CPQ: variants seen among roughly 807,000 people sequenced by gnomAD.
The protein encoded by CPQ is carboxypeptidase Q, also known as Ser-Met dipeptidase.
A neutral mutation model predicts 45.7 loss-of-function variants in CPQ; 37 were observed. The observed-to-expected ratio is 0.81, with a 90% CI of 0.62 to 1.07. The LOEUF (loss-of-function observed/expected upper bound fraction) is 1.07. Among genes scored for constraint, CPQ ranks in the 50% least tolerant of loss-of-function variants. The pLI is 0.00. For synonymous variants in CPQ, 186 were observed against 205.8 expected, an observed-to-expected ratio of 0.90 and a Z score of 0.82; for missense variants, 537 against 572.9, an observed-to-expected ratio of 0.94 and a Z score of 0.64.
chr8:96,980,696 A>T (rs1417634528), intron 5 of CPQ, among the ~76,000 whole-genome samples: 3 of 152,104 alleles, frequency 2.0e-5, no homozygotes, highest in Non-Finnish European at 4.4e-5. Flanking sequence ...TGGTCAGGGG[A>T]ATCCTCACAG....
chr8:96,727,653 C>T (rs1809860781), intron 1 of CPQ, among the ~76,000 whole-genome samples: 1 of 152,008 alleles, frequency 6.6e-6, no homozygotes, highest in Non-Finnish European at 1.5e-5. Context: ...TTTTTTCTCA[C>T]CTTTGACAGC....
In CPQ at chr8:97,081,352, C is replaced by T. The variant is rs1346362619; in HGVS notation, c.1255+15142C>T. On this transcript the variant is annotated intron_variant, in intron 7 of 7. Coordinates refer to ENST00000220763, the MANE Select transcript of CPQ (RefSeq NM_016134.4). The stretch of plus-strand genomic sequence containing the variant: ...GGCTTGTGAGCTTCAGTTGCCCCCC[C>T]ATACGCTTAAATTTTTCATTTTGTG... Among the ~76,000 whole-genome samples, 4 of 152,140 alleles carry T rather than the reference C, an allele frequency of 2.6e-5. No homozygotes were observed. In the East Asian group the frequency reaches 5.8e-4, roughly 22 times the overall value.
intron 4 of CPQ, among the ~76,000 whole-genome samples, chr8:96,957,467 TTGA>T (rs1421888564): frequency 6.6e-6 from 1 of 152,152 alleles, no homozygotes; most frequent in African/African-American, 2.4e-5. Context: ...TAATGAAAGA[TTGA>T]TGATATCTCT....
chr8:97,068,565 G>A (rs1457087610), intron 7 of CPQ, among the ~76,000 whole-genome samples: 1 of 152,078 alleles, frequency 6.6e-6, no homozygotes, highest in Non-Finnish European at 1.5e-5. Flanking sequence ...CCCAGGAGGC[G>A]GCAGTTGCAG....
chr8:96,933,502 C>T (rs151062531), intron 4 of CPQ, among the ~76,000 whole-genome samples: 59 of 152,226 alleles, frequency 3.9e-4, no homozygotes, highest in Middle Eastern at 3.4e-3. Context: ...ATTCTAACAC[C>T]GACAAGTTGT....
Position 97,143,119 on chromosome 8 carries a change from C to A in CPQ, c.1355C>A (p.Ala452Asp). Residue 452 changes from alanine to aspartate, a missense_variant, in exon 8 of 8, where the codon GCT becomes GAT. Coordinates refer to ENST00000220763, the MANE Select transcript of CPQ (RefSeq NM_016134.4). ...VMDPKQMNVA[A>D]AVWAVVSYVV... is the part of the protein sequence containing the mutation. ...GATCCAAAGCAGATGAATGTTGCTG[C>A]TGCTGTTTGGGCTGTTGTTTCTTAT... The A allele has an allele frequency of 4.3e-6, 7 of 1,613,956 alleles. No individual in the cohort carries two copies. The highest frequency in any genetic ancestry group is 5.9e-6 in the Non-Finnish European group (7 of 1,179,904).
At chr8:97,120,073 G>C (rs1367699550) in intron 7 of CPQ, among the ~76,000 whole-genome samples, 1 of 152,156 alleles carries the variant, frequency 6.6e-6, no homozygotes, top group African/African-American at 2.4e-5. Flanking sequence ...GGCTGACTAA[G>C]AACATACACA....
At chr8:96,999,415 A>G (rs983817750) in intron 5 of CPQ, among the ~76,000 whole-genome samples, 2 of 151,632 alleles carry the variant, frequency 1.3e-5, no homozygotes, top group African/African-American at 4.8e-5. Context: ...AAAAAGCCCT[A>G]GTGTATTTTG....
chr8:96,951,564 A>G (rs376523154), intron 4 of CPQ, among the ~76,000 whole-genome samples: 2 of 152,100 alleles, frequency 1.3e-5, no homozygotes, highest in South Asian at 2.1e-4. Context: ...TGCTTGAGCT[A>G]TAGCTTTTTC....
At chr8:97,080,184 G>A (rs1192401492) in intron 7 of CPQ, among the ~76,000 whole-genome samples, 1 of 152,168 alleles carries the variant, frequency 6.6e-6, no homozygotes, top group Non-Finnish European at 1.5e-5. Flanking sequence ...GCCAAATTAA[G>A]TCTTCCAGTT....
intron 4 of CPQ, among the ~76,000 whole-genome samples, chr8:96,951,875 G>A (rs900072693): frequency 2.0e-5 from 3 of 151,814 alleles, no homozygotes; most frequent in Non-Finnish European, 2.9e-5. Flanking sequence ...AATGTTTGAG[G>A]TCATCTTACA....
chr8:97,058,514 G>T (rs566714521), intron 6 of CPQ, among the ~76,000 whole-genome samples: 10 of 152,230 alleles, frequency 6.6e-5, no homozygotes, highest in African/African-American at 2.2e-4. Flanking sequence ...TGAAGGAAAG[G>T]TTCTTCAGGC....
chr8:96,735,965 C>G (rs1270272995), intron 1 of CPQ, among the ~76,000 whole-genome samples: 2 of 151,788 alleles, frequency 1.3e-5, no homozygotes, highest in Non-Finnish European at 2.9e-5. Flanking sequence ...CAACAGCAGT[C>G]CATTTTTGGG....
intron 1 of CPQ, among the ~76,000 whole-genome samples, chr8:96,775,388 T>C (rs1235580345): frequency 6.6e-6 from 1 of 152,142 alleles, no homozygotes; most frequent in East Asian, 1.9e-4. Context: ...AAATGTGAAT[T>C]CTAAGGCATG....
chr8:96,725,718 C>A (rs1038551001), intron 1 of CPQ, among the ~76,000 whole-genome samples: 1 of 151,762 alleles, frequency 6.6e-6, no homozygotes, highest in Non-Finnish European at 1.5e-5. Flanking sequence ...TTCAACCCAG[C>A]AATCCCATTA....
intron 2 of CPQ, among the ~76,000 whole-genome samples, chr8:96,824,370 G>T (rs1811351107): frequency 6.6e-6 from 1 of 151,960 alleles, no homozygotes; most frequent in African/African-American, 2.4e-5. Context: ...TCTTTGCATG[G>T]TTCCTGGCCA....
intron 1 of CPQ, among the ~76,000 whole-genome samples, chr8:96,744,703 A>T (rs1810152007): frequency 6.6e-6 from 1 of 152,132 alleles, no homozygotes; most frequent in Admixed American, 6.5e-5. Context: ...AAATTTTTGT[A>T]TGTTAAGCTT....
intron 6 of CPQ, among the ~76,000 whole-genome samples, chr8:97,061,257 ATTTTTG>A (rs1288308754): frequency 6.6e-6 from 1 of 151,812 alleles, no homozygotes; most frequent in East Asian, 1.9e-4. Context: ...GGAGCAAGAG[ATTTTTG>A]TTTTTGTTTT....
intron 4 of CPQ, among the ~76,000 whole-genome samples, chr8:96,908,479 G>A (rs1432524478): frequency 6.6e-6 from 1 of 151,996 alleles, no homozygotes; most frequent in Non-Finnish European, 1.5e-5. Flanking sequence ...GATTTAGAGA[G>A]CGACCTCCCC....
Sources: gnomAD v4.1 joint callset for allele counts (sites outside exome capture counted in the v4.1 genomes callset) on GRCh38, gnomAD v4.1.1 for gene constraint, MANE v1.5 for transcripts, NCBI Gene and HGNC (gene_info 2026-07-23, HGNC 2026-07-21) for gene names.